Variants in OPHN1 observed in about 807,000 individuals in gnomAD.
The protein encoded by OPHN1 is oligophrenin 1.
A neutral mutation model predicts 60.7 loss-of-function variants in OPHN1; 11 were observed. That is an observed-to-expected ratio of 0.18 (90% CI 0.11 to 0.30). The LOEUF (loss-of-function observed/expected upper bound fraction) is 0.30. OPHN1 is among the 10% of genes least tolerant of loss of function. The pLI, the probability that OPHN1 is intolerant of heterozygous loss-of-function variation, is 1.00. For missense variants in OPHN1, 449 were observed against 611.0 expected, an observed-to-expected ratio of 0.73 and a Z score of 2.80; for synonymous variants, 226 against 222.6, an observed-to-expected ratio of 1.02 and a Z score of -0.14.
intron 2 of OPHN1, among the ~76,000 whole-genome samples, chrX:68,394,970 TATTG>T (rs1316897157): frequency 1.8e-5 from 2 of 108,181 alleles, no homozygotes; most frequent in African/African-American, 6.8e-5. Flanking sequence ...TTTATTTATT[TATTG>T]AGACAGAGTC....
At chrX:68,298,500 G>A (rs2078105524) in intron 3 of OPHN1, among the ~76,000 whole-genome samples, 1 of 111,313 alleles carries the variant, frequency 9.0e-6, no homozygotes, top group Non-Finnish European at 1.9e-5. Context: ...AGGACAAGAT[G>A]AGACTCAGAG....
chrX:68,212,310 G>C (rs1460855078), intron 7 of OPHN1, 98 bp from the exon 8 acceptor site: 2 of 605,918 alleles, frequency 3.3e-6, no homozygotes, highest in Non-Finnish European at 5.3e-6. Context: ...GGTGTGGCTG[G>C]GTGTGGTGGC....
intron 6 of OPHN1, among the ~76,000 whole-genome samples, chrX:68,216,939 T>C (rs1051823195): frequency 1.8e-5 from 2 of 111,941 alleles, no homozygotes; most frequent in Non-Finnish European, 3.8e-5. Context: ...GATGGCCGAA[T>C]AGGAACAGCT....
chrX:68,404,894 AAAGGT>A (rs2078734109), intron 2 of OPHN1, among the ~76,000 whole-genome samples: 1 of 111,581 alleles, frequency 9.0e-6, no homozygotes, highest in African/African-American at 3.3e-5. Flanking sequence ...AAGGAAGTAG[AAAGGT>A]AGTTGCCAAG....
At chrX:68,348,389 GA>G (rs2078389496) in intron 2 of OPHN1, among the ~76,000 whole-genome samples, 1 of 111,055 alleles carries the variant, frequency 9.0e-6, no homozygotes, top group Admixed American at 9.7e-5. Flanking sequence ...ATAACTATAT[GA>G]ACACAGCCAG....
chrX:68,045,137 T>C lies in OPHN1; in HGVS notation c.*2035A>G, dbSNP rs1039221488. On this transcript the variant is annotated 3_prime_UTR_variant, in exon 25 of 25. Coordinates refer to ENST00000355520, the MANE Select transcript of OPHN1 (RefSeq NM_002547.3). ...CAGTAAGGCCTCACAGAGACTACTA[T>C]TGGGGGCAAGCAGCAGGTGAAATGA... 12 of 110,897 alleles carry C rather than the reference T, an allele frequency of 1.1e-4. No individual in the cohort carries two copies. Among genetic ancestry groups the C allele is most frequent in the South Asian group, 3.9e-4 (1 of 2,575 alleles). 9.1% of individuals were successfully genotyped at this position (110,897 alleles called of 1,213,427 possible).
At chrX:68,061,270 C>A (rs1321486019) in intron 21 of OPHN1, among the ~76,000 whole-genome samples, 1 of 111,736 alleles carries the variant, frequency 8.9e-6, no homozygotes, top group Non-Finnish European at 1.9e-5. Flanking sequence ...ACCATTAGAT[C>A]AGAGTAGCTG....
At chrX:68,335,799 G>A (rs1033757377) in intron 2 of OPHN1, among the ~76,000 whole-genome samples, 5 of 111,108 alleles carry the variant, frequency 4.5e-5, no homozygotes, top group South Asian at 3.9e-4. Context: ...CACGGGTGGC[G>A]TGCACCTGTA....
intron 2 of OPHN1, among the ~76,000 whole-genome samples, chrX:68,374,886 A>T (rs1393546368): frequency 8.9e-6 from 1 of 112,218 alleles, no homozygotes; most frequent in East Asian, 2.8e-4. Context: ...GTCATTAGTC[A>T]TTATGGAAAA....
chrX:68,287,641 G>A (rs968119006), intron 3 of OPHN1, among the ~76,000 whole-genome samples: 1 of 111,786 alleles, frequency 8.9e-6, no homozygotes, highest in East Asian at 2.8e-4. Context: ...CTAGAATGGT[G>A]GTTTGCACAC....
intron 15 of OPHN1, among the ~76,000 whole-genome samples, chrX:68,143,081 CAGG>C (rs1312542856): frequency 1.8e-5 from 2 of 111,598 alleles, no homozygotes; most frequent in African/African-American, 6.5e-5. Flanking sequence ...ATGGGCTCTT[CAGG>C]AGGATTCTGG....
At chrX:68,279,888 A>G (rs1049407120) in intron 4 of OPHN1, among the ~76,000 whole-genome samples, 2 of 112,059 alleles carry the variant, frequency 1.8e-5, no homozygotes, top group Admixed American at 9.4e-5. Context: ...GAAAAACAAC[A>G]TCTCAAAAGA....
In OPHN1 at chrX:68,320,629, C is replaced by A. The variant is rs368338733; in HGVS notation, c.155-21533G>T. ...AAATGGTTGGGAATTTTCCCCCATACCCCAAATAAGCAATCAATTTTGCAG... is the reference window on the plus strand; with the variant it reads ...AAATGGTTGGGAATTTTCCCCCATAACCCAAATAAGCAATCAATTTTGCAG... On this transcript the variant is annotated intron_variant, in intron 2 of 24. Transcript: ENST00000355520. 4.5e-5 allele frequency among the ~76,000 whole-genome samples: 5 copies of A among 110,238 alleles called. No homozygotes were observed. The South Asian group carries it at 1.6e-3, about 35-fold the overall frequency.
intron 18 of OPHN1, among the ~76,000 whole-genome samples, chrX:68,109,541 G>A (rs1300257504): frequency 3.6e-5 from 4 of 111,703 alleles, no homozygotes; most frequent in Non-Finnish European, 5.7e-5. Context: ...ATACCTAGGA[G>A]TGGAGTTGCT....
chrX:68,396,671 C>T (rs951379494), intron 2 of OPHN1, among the ~76,000 whole-genome samples: 4 of 109,499 alleles, frequency 3.7e-5, no homozygotes, highest in East Asian at 2.9e-4. Context: ...AAAAATTAGC[C>T]GGGCATGGTG....
rs1168765295 is a variant in OPHN1, at chrX:68,045,448, ACTCT to A, written c.*1720_*1723del. 7 of 111,529 alleles carry A rather than the reference ACTCT, an allele frequency of 6.3e-5. No individual in the cohort carries two copies. The highest frequency in any genetic ancestry group is 5.7e-4 in the Admixed American group (6 of 10,514). 9.2% of individuals were successfully genotyped at this position (111,529 alleles called of 1,213,427 possible). On this transcript the variant is annotated 3_prime_UTR_variant, in exon 25 of 25. Coordinates refer to ENST00000355520, the MANE Select transcript of OPHN1 (RefSeq NM_002547.3). ...TTTGCACATGAGTGTGCATGTACTC[ACTCT>A]CTATCTCTTTATCTAGGTTTATCTG...
At chrX:68,256,481 A>C (rs1325407252) in intron 5 of OPHN1, among the ~76,000 whole-genome samples, 1 of 111,742 alleles carries the variant, frequency 8.9e-6, no homozygotes, top group Non-Finnish European at 1.9e-5. Context: ...ATTTCTTCTT[A>C]ACTCCTATAT....
chrX:68,301,445 C>CAA (rs56927719), intron 2 of OPHN1, among the ~76,000 whole-genome samples: 85 of 35,075 alleles, frequency 2.4e-3, no homozygotes, highest in African/African-American at 3.1e-3. Context: ...GACTCCATCT[C>CAA]AAAAAAAAAA....
chrX:68,131,548 T>A (rs2147461380), intron 15 of OPHN1, among the ~76,000 whole-genome samples: 1 of 112,089 alleles, frequency 8.9e-6, no homozygotes, highest in East Asian at 2.8e-4. Context: ...AAAGCCATTC[T>A]CCAAATAAAG....
Sources: gnomAD v4.1 joint callset for allele counts (sites outside exome capture counted in the v4.1 genomes callset) on GRCh38, gnomAD v4.1.1 for gene constraint, MANE v1.5 for transcripts, NCBI Gene and HGNC (gene_info 2026-07-23, HGNC 2026-07-21) for gene names.